Variants in DOCK8 observed in about 807,000 individuals in gnomAD.
DOCK8 encodes dedicator of cytokinesis protein 8.
Under a neutral mutation model 245.6 loss-of-function variants are expected in DOCK8, and 141 were observed. The observed-to-expected ratio is 0.57, with a 90% CI of 0.50 to 0.66. DOCK8 has a LOEUF of 0.66. Among genes scored for constraint, DOCK8 ranks in the 30% least tolerant of loss-of-function variants. The pLI, the probability that DOCK8 is intolerant of heterozygous loss-of-function variation, is 0.00. For synonymous variants in DOCK8, 1,168 were observed against 970.2 expected (o/e 1.20, Z -3.79); for missense variants, 2,965 against 2,603.4 (o/e 1.14, Z -3.02).
In DOCK8 at chr9:391,916, G is replaced by T. The variant is rs549487674; in HGVS notation, c.2970+1350G>T. Among the ~76,000 whole-genome samples the T allele has an allele frequency of 4.0e-5, 6 of 149,728 alleles. No homozygotes were observed. In the South Asian group the frequency reaches 6.3e-4, roughly 16 times the overall value. ...CACTTTGGGAGGCTGAGGCAGGCAG[G>T]TCACTTGAAGTCAAGAGTTCGAGAC... On this transcript the variant is annotated intron_variant, in intron 24 of 47. Coordinates refer to ENST00000432829, the MANE Select transcript of DOCK8 (RefSeq NM_203447.4).
At chr9:419,414 G>T (rs2056179751) in intron 30 of DOCK8, among the ~76,000 whole-genome samples, 1 of 152,144 alleles carries the variant, frequency 6.6e-6, no homozygotes, top group Non-Finnish European at 1.5e-5. Context: ...ACCAAAGTTA[G>T]CTGCTTGAGG....
chr9:418,413 A>T (rs1225947814), intron 30 of DOCK8, among the ~76,000 whole-genome samples: 2 of 151,978 alleles, frequency 1.3e-5, no homozygotes, highest in Admixed American at 6.6e-5. Context: ...ACAGGCGTGC[A>T]CCACCACACC....
chr9:417,238 G>T (rs1009415291), intron 29 of DOCK8, among the ~76,000 whole-genome samples: 1 of 152,138 alleles, frequency 6.6e-6, no homozygotes, highest in Non-Finnish European at 1.5e-5. Flanking sequence ...AGCGGAGATG[G>T]CGCCACTGCA....
chr9:387,947 A>T (rs2054023643), intron 23 of DOCK8, among the ~76,000 whole-genome samples: 1 of 152,186 alleles, frequency 6.6e-6, no homozygotes, highest in South Asian at 2.1e-4. Context: ...TTTGGCCAAT[A>T]TGTTTCCTTA....
intron 1 of DOCK8, among the ~76,000 whole-genome samples, chr9:253,703 T>C (rs2047703824): frequency 6.6e-6 from 1 of 152,224 alleles, no homozygotes; most frequent in African/African-American, 2.4e-5. Context: ...GCCGTGTGGG[T>C]GTTGGCTTTG....
rs2053666498 is a variant in DOCK8 at position 379,793 on chromosome 9, C to T, written c.2463C>T (p.Phe821=). 1.9e-6 allele frequency: 3 copies of T among 1,614,090 alleles called. No homozygotes were observed. Among genetic ancestry groups the T allele is most frequent in the Admixed American group, 1.7e-5 (1 of 60,006 alleles). ...GQTANFSQFA[F]ESVVAIANSL... Reference sequence around the variant, plus strand: ...CAGCCAACTTCTCCCAGTTTGCCTTCGAGTCCGTGGTGGCCATCGCCAACA... The same window carrying T: ...CAGCCAACTTCTCCCAGTTTGCCTTTGAGTCCGTGGTGGCCATCGCCAACA... The change falls in exon 21 of 48, where the codon TTC becomes TTT. Residue 821 remains phenylalanine, a synonymous_variant. Transcript: ENST00000432829.
At chr9:429,653 T>C (rs937631272) in intron 35 of DOCK8, 49 bp from the exon 36 acceptor site, 3 of 1,610,544 alleles carry the variant, frequency 1.9e-6, no homozygotes, top group East Asian at 2.2e-5. Context: ...GTCCAGAAAG[T>C]GTATCAAACT....
chr9:427,026 G>T (rs1047866154), intron 34 of DOCK8, 45 bp downstream of exon 34: 3 of 1,527,172 alleles, frequency 2.0e-6, no homozygotes, highest in Admixed American at 1.7e-5. Context: ...CCATGAATAT[G>T]TTTACTAGAA....
chr9:252,551 C>T (rs769910105), intron 1 of DOCK8, among the ~76,000 whole-genome samples: 2 of 151,674 alleles, frequency 1.3e-5, no homozygotes, highest in Admixed American at 6.6e-5. Context: ...CCCTGTAATC[C>T]CAGCACTTTG....
At position 312,231 on chromosome 9, in the gene DOCK8, G is replaced by A. The variant is rs140028088; in HGVS notation, c.741+65G>A. ...GACTCTGAGAGTCATGTGGACAATTGTGTTGTTCATTATTACTATATAGCA... is the reference window on the plus strand; with the variant it reads ...GACTCTGAGAGTCATGTGGACAATTATGTTGTTCATTATTACTATATAGCA... On this transcript the variant is annotated intron_variant, in intron 6 of 47. Transcript: ENST00000432829. 6,384 of 1,562,824 alleles carry A rather than the reference G, an allele frequency of 4.1e-3. 28 individuals are homozygous for A. The highest frequency in any genetic ancestry group is 4.6e-3 in the Non-Finnish European group (5,286 of 1,141,464).
intron 39 of DOCK8, among the ~76,000 whole-genome samples, chr9:436,244 A>G (rs111315596): frequency 0.021 from 3,221 of 152,324 alleles, 111 homozygotes; most frequent in African/African-American, 0.073. Context: ...TGGCAAATGA[A>G]TTTTCTTCTT....
intron 3 of DOCK8, among the ~76,000 whole-genome samples, chr9:288,159 C>G (rs2048899727): frequency 6.6e-6 from 1 of 151,550 alleles, no homozygotes; most frequent in African/African-American, 2.4e-5. Flanking sequence ...AGGTAACATA[C>G]CTGTCTGATG....
At chr9:399,722 C>T (rs1300920282) in intron 26 of DOCK8, among the ~76,000 whole-genome samples, 1 of 152,008 alleles carries the variant, frequency 6.6e-6, no homozygotes, top group African/African-American at 2.4e-5. Context: ...GATTTAATTT[C>T]ACTGAGCACA....
intron 22 of DOCK8, among the ~76,000 whole-genome samples, chr9:383,739 T>C (rs978741967): frequency 7.2e-6 from 1 of 139,570 alleles, no homozygotes; most frequent in South Asian, 2.4e-4. Flanking sequence ...CAAGGAGCAA[T>C]GCCAAATTTT....
chr9:394,724 A>G (rs1348821277), intron 24 of DOCK8, among the ~76,000 whole-genome samples: 1 of 152,210 alleles, frequency 6.6e-6, no homozygotes, highest in African/African-American at 2.4e-5. Flanking sequence ...CTTTAGAGGT[A>G]CCCTTACTTT....
intron 7 of DOCK8, among the ~76,000 whole-genome samples, chr9:318,980 A>C (rs1450154075): frequency 6.6e-6 from 1 of 152,164 alleles, no homozygotes; most frequent in African/African-American, 2.4e-5. Context: ...GGTCACTAAG[A>C]GAGATATGTG....
chr9:271,781 C>T (rs1452047325), intron 2 of DOCK8, 52 bp downstream of exon 2: 4 of 1,323,402 alleles, frequency 3.0e-6, no homozygotes, highest in African/African-American at 1.5e-5. Flanking sequence ...CAAAAGTGCC[C>T]AGGGTATGTG....
intron 14 of DOCK8, chr9:365,798 G>C (rs1402454613): frequency 2.6e-6 from 1 of 380,592 alleles, no homozygotes; most frequent in East Asian, 7.2e-5. Flanking sequence ...TATTTGATTG[G>C]TGGCAGTGGA....
Position 462,651 on chromosome 9 carries a change from G to A in DOCK8, c.6069-866G>A, listed in dbSNP as rs111657723. On this transcript the variant is annotated intron_variant, in intron 46 of 47. Coordinates refer to ENST00000432829, the MANE Select transcript of DOCK8 (RefSeq NM_203447.4). ...CCTACTGACAGCTGCCTTGTCACCA[G>A]CTCCTGTGATCATTCTAGCTTTGAT... Among the ~76,000 whole-genome samples, 979 of 152,310 alleles carry A rather than the reference G, an allele frequency of 6.4e-3. 10 individuals carry two copies. Among genetic ancestry groups the A allele is most frequent in the African/African-American group, 0.023 (942 of 41,570 alleles).
Sources: allele counts gnomAD v4.1 joint callset (sites outside exome capture counted in the v4.1 genomes callset), GRCh38; gene constraint gnomAD v4.1.1; transcripts MANE v1.5; gene names NCBI Gene and HGNC (gene_info 2026-07-23, HGNC 2026-07-21).